IQSEC3: variants seen among roughly 807,000 people sequenced by gnomAD.
The protein encoded by IQSEC3 is IQ motif and SEC7 domain-containing protein 3.
A neutral mutation model predicts 105.4 loss-of-function variants in IQSEC3; 50 were observed. That is an observed-to-expected ratio of 0.47 (90% CI 0.38 to 0.60). IQSEC3 has a LOEUF of 0.60. IQSEC3 is among the 20% of genes least tolerant of loss of function. IQSEC3 has a pLI of 0.00. For synonymous variants in IQSEC3, 708 were observed against 746.0 expected, an observed-to-expected ratio of 0.95 and a Z score of 0.83; for missense variants, 1,415 against 1,630.0, an observed-to-expected ratio of 0.87 and a Z score of 2.27.
chr12:145,328 G>A (rs1866217578), intron 5 of IQSEC3, among the ~76,000 whole-genome samples: 1 of 152,150 alleles, frequency 6.6e-6, no homozygotes, highest in Non-Finnish European at 1.5e-5. Flanking sequence ...GGGCTACTGG[G>A]CAGTGGCATG....
At chr12:83,720 G>C in intron 1 of IQSEC3, among the ~76,000 whole-genome samples, 1 of 151,682 alleles carries the variant, frequency 6.6e-6, no homozygotes, top group Middle Eastern at 3.2e-3. Flanking sequence ...GAGGTGGGTT[G>C]AGAAGTGGAA....
chr12:163,601 C>T lies in IQSEC3; in HGVS notation c.2691C>T (p.Leu897=), dbSNP rs1374340639. The change falls in exon 9 of 14, where the codon CTC becomes CTT. Residue 897 remains leucine (L), a synonymous_variant. Coordinates refer to ENST00000538872, the MANE Select transcript of IQSEC3 (RefSeq NM_001170738.2). ...CAGCGCATCAGAGGGAGGTGTTCCT[C>T]TTCAATGACCTGCTGGTGGTGAGTG... is the stretch of plus-strand genomic sequence containing the variant. ...KQAAHQREVF[L]FNDLLVILKL... 1 of 1,530,702 alleles carries T rather than the reference C, an allele frequency of 6.5e-7. No individual in the cohort carries two copies. Among genetic ancestry groups the T allele is most frequent in the South Asian group, 1.1e-5 (1 of 89,448 alleles). 94.8% of individuals were successfully genotyped at this position (1,530,702 alleles called of 1,614,324 possible). A position where few individuals can be genotyped will look rare whatever the true frequency, so the allele number is the denominator to read the frequency against.
intron 2 of IQSEC3, among the ~76,000 whole-genome samples, chr12:110,698 G>A (rs989902462): frequency 2.6e-5 from 4 of 152,082 alleles, no homozygotes; most frequent in Admixed American, 6.5e-5. Flanking sequence ...CTTAGCCCAA[G>A]TATAAAAATG....
intron 1 of IQSEC3, among the ~76,000 whole-genome samples, chr12:85,441 A>G (rs782055287): frequency 1.6e-4 from 24 of 152,262 alleles, no homozygotes; most frequent in Non-Finnish European, 2.9e-4. Context: ...CACGCCTGGC[A>G]CTGGGAGCCC....
At position 141,109 on chromosome 12, in the gene IQSEC3, CA is replaced by C. The variant is rs1555089033; in HGVS notation, c.1992-14del. ...CAGCTCACTCTCTACTGCTTCTCCC[CA>C]CCCCCACCTCCAGAAACCCCGACAA... On this transcript the variant is annotated splice_polypyrimidine_tract_variant and intron_variant, in intron 4 of 13. Coordinates refer to ENST00000538872, the MANE Select transcript of IQSEC3 (RefSeq NM_001170738.2). The C allele has an allele frequency of 1.3e-6, 2 of 1,583,504 alleles. No homozygotes were observed. The highest frequency in any genetic ancestry group is 1.7e-5 in the Admixed American group (1 of 58,910).
Position 141,105 on chromosome 12 carries a change from TC to T in IQSEC3, c.1992-15del. On this transcript the variant is annotated intron_variant, in intron 4 of 13. Transcript: ENST00000538872. ...GCTTCAGCTCACTCTCTACTGCTTC[TC>T]CCCACCCCCACCTCCAGAAACCCCG... 6.3e-7 allele frequency: 1 copy of T among 1,578,008 alleles called. No individual in the cohort carries two copies. The highest frequency in any genetic ancestry group is 8.7e-7 in the Non-Finnish European group (1 of 1,151,370).
chr12:71,531 T>G (rs1453404765), intron 1 of IQSEC3, among the ~76,000 whole-genome samples: 1 of 152,292 alleles, frequency 6.6e-6, no homozygotes, highest in Non-Finnish European at 1.5e-5. Context: ...GCAGGTTTTC[T>G]TCACTGAAGT....
intron 1 of IQSEC3, among the ~76,000 whole-genome samples, chr12:70,870 G>A (rs1555067328): frequency 6.6e-6 from 1 of 152,252 alleles, no homozygotes. Flanking sequence ...AGTCTGAAGG[G>A]CTCCACAGCT....
intron 1 of IQSEC3, among the ~76,000 whole-genome samples, chr12:98,854 G>A (rs1864323569): frequency 6.6e-6 from 1 of 152,210 alleles, no homozygotes; most frequent in African/African-American, 2.4e-5. Context: ...GCCTGCTGCG[G>A]GGAGGGCGTG....
At chr12:143,971 C>CT in intron 5 of IQSEC3, 1 of 153,718 alleles carries the variant, frequency 6.5e-6, no homozygotes, top group Admixed American at 6.5e-5. Context: ...CAAGGGGCCT[C>CT]CAGCCGGAAC....
intron 3 of IQSEC3, among the ~76,000 whole-genome samples, chr12:132,585 T>C (rs1192281543): frequency 6.6e-6 from 1 of 151,910 alleles, no homozygotes; most frequent in Non-Finnish European, 1.5e-5. Context: ...TCATGGATGA[T>C]TGCAAAAGGT....
intron 1 of IQSEC3, among the ~76,000 whole-genome samples, chr12:69,276 C>T (rs1348177968): frequency 6.6e-6 from 1 of 152,256 alleles, no homozygotes; most frequent in Non-Finnish European, 1.5e-5. Context: ...TTTTCTTAGA[C>T]AAAGACATAG....
chr12:137,312 G>A (rs887364101), intron 3 of IQSEC3: 1 of 152,202 alleles, frequency 6.6e-6, no homozygotes, highest in Admixed American at 6.5e-5. Context: ...AGGGAAGCAC[G>A]AGGAGCTGTG....
At chr12:73,310 T>A (rs1359887610) in intron 1 of IQSEC3, among the ~76,000 whole-genome samples, 1 of 152,238 alleles carries the variant, frequency 6.6e-6, no homozygotes, top group Non-Finnish European at 1.5e-5. Flanking sequence ...TTTCCACTTA[T>A]AAAATGGGGA....
chr12:169,898 T>G (rs559133840), intron 12 of IQSEC3, among the ~76,000 whole-genome samples: 1 of 152,294 alleles, frequency 6.6e-6, no homozygotes, highest in South Asian at 2.1e-4. Flanking sequence ...CAACAAACAC[T>G]TCTCGAATGG....
chr12:131,701 C>T (rs1009487765), intron 3 of IQSEC3, among the ~76,000 whole-genome samples: 8 of 151,906 alleles, frequency 5.3e-5, no homozygotes, highest in Admixed American at 2.0e-4. Context: ...CAGTCCGCAG[C>T]GAGAGCTCTG....
At chr12:114,965 A>G (rs1555080342) in intron 2 of IQSEC3, among the ~76,000 whole-genome samples, 1 of 152,268 alleles carries the variant, frequency 6.6e-6, no homozygotes, top group Admixed American at 6.5e-5. Context: ...GCCACAAGGC[A>G]TGCGGGAAAC....
At chr12:144,443 T>A (rs989552031) in intron 5 of IQSEC3, 1 of 152,082 alleles carries the variant, frequency 6.6e-6, no homozygotes, top group Non-Finnish European at 1.5e-5. Flanking sequence ...TAAAAGGATA[T>A]AAATCACCCA....
At position 125,861 on chromosome 12, in the gene IQSEC3, C is replaced by T. The variant is rs782649749; in HGVS notation, c.852C>T (p.His284=). Residue 284 remains histidine (H), a synonymous_variant, in exon 3 of 14, where the codon CAC becomes CAT. Coordinates refer to ENST00000538872, the MANE Select transcript of IQSEC3 (RefSeq NM_001170738.2). ...QPALATALCP[H]APAASDYELS... is the part of the protein sequence containing the mutation. ...CCCTGGCGACGGCGCTGTGCCCCCACGCCCCTGCCGCCTCCGATTACGAAC... is the reference window on the plus strand; with the variant it reads ...CCCTGGCGACGGCGCTGTGCCCCCATGCCCCTGCCGCCTCCGATTACGAAC... 143 of 1,533,456 alleles carry T rather than the reference C, an allele frequency of 9.3e-5. No homozygotes were observed. The highest frequency in any genetic ancestry group is 2.0e-4 in the Middle Eastern group (1 of 4,912). 95.0% of individuals were successfully genotyped at this position (1,533,456 alleles called of 1,614,324 possible).
Sources: allele counts gnomAD v4.1 joint callset (sites outside exome capture counted in the v4.1 genomes callset), GRCh38; gene constraint gnomAD v4.1.1; transcripts MANE v1.5; gene names NCBI Gene and HGNC (gene_info 2026-07-23, HGNC 2026-07-21).